SUCLG2: variants seen among roughly 807,000 people sequenced by gnomAD.
SUCLG2 encodes the protein succinate--CoA ligase [GDP-forming] subunit beta, mitochondrial.
A neutral mutation model predicts 47.9 loss-of-function variants in SUCLG2; 42 were observed. The ratio of observed to expected loss-of-function variants is 0.88; its 90% CI spans 0.69 to 1.14. The LOEUF (loss-of-function observed/expected upper bound fraction) is 1.14, where lower values mean the gene tolerates loss of function less well. Among genes scored for constraint, SUCLG2 ranks in the 50% most tolerant of loss-of-function variants. The probability of loss-of-function intolerance (pLI) is 0.00; values close to 1 mark genes in which losing one functional copy is unlikely to be tolerated. For synonymous variants in SUCLG2, 195 were observed against 197.3 expected (o/e 0.99, Z 0.10); for missense variants, 571 against 525.9 (o/e 1.09, Z -0.84).
chr3:67,386,389 C>G (rs1702260518), intron 10 of SUCLG2, among the ~76,000 whole-genome samples: 1 of 152,040 alleles, frequency 6.6e-6, no homozygotes, highest in South Asian at 2.1e-4. Context: ...GTCTTGTACA[C>G]TTCATCAACA....
At chr3:67,387,342 G>A (rs991846120) in intron 10 of SUCLG2, among the ~76,000 whole-genome samples, 2 of 152,168 alleles carry the variant, frequency 1.3e-5, no homozygotes, top group African/African-American at 4.8e-5. Context: ...GGGTCAAAGT[G>A]ATCAGAGACC....
At chr3:67,580,555 C>T (rs1294239780) in intron 2 of SUCLG2, among the ~76,000 whole-genome samples, 1 of 152,148 alleles carries the variant, frequency 6.6e-6, no homozygotes, top group African/African-American at 2.4e-5. Flanking sequence ...CCTCGGGGCA[C>T]TGGGAGAGAT....
At chr3:67,497,192 G>T (rs1705369848) in intron 8 of SUCLG2, among the ~76,000 whole-genome samples, 1 of 152,146 alleles carries the variant, frequency 6.6e-6, no homozygotes, top group Non-Finnish European at 1.5e-5. Flanking sequence ...CTTGTAATTG[G>T]ATGTCATTTT....
intron 2 of SUCLG2, among the ~76,000 whole-genome samples, chr3:67,565,241 C>A (rs1707420975): frequency 6.6e-6 from 1 of 152,132 alleles, no homozygotes; most frequent in Non-Finnish European, 1.5e-5. Flanking sequence ...CAAATAATTT[C>A]ATAAACTATT....
intron 2 of SUCLG2, among the ~76,000 whole-genome samples, chr3:67,586,090 T>C (rs1289546568): frequency 6.7e-6 from 1 of 150,176 alleles, no homozygotes; most frequent in African/African-American, 2.5e-5. Flanking sequence ...GCCAAAAAAA[T>C]CACACCCACT....
intron 2 of SUCLG2, among the ~76,000 whole-genome samples, chr3:67,539,131 T>C (rs1322731469): frequency 2.6e-5 from 4 of 152,216 alleles, no homozygotes; most frequent in Non-Finnish European, 5.9e-5. Flanking sequence ...ATCCTTGTCT[T>C]GTGCCAATTT....
intron 9 of SUCLG2, among the ~76,000 whole-genome samples, chr3:67,487,501 C>T (rs1305717500): frequency 2.0e-5 from 3 of 150,326 alleles, no homozygotes; most frequent in Non-Finnish European, 4.4e-5. Flanking sequence ...CACACATATA[C>T]ACACACACAC....
intron 9 of SUCLG2, among the ~76,000 whole-genome samples, chr3:67,405,118 A>C (rs1026886073): frequency 6.6e-6 from 1 of 152,154 alleles, no homozygotes; most frequent in African/African-American, 2.4e-5. Flanking sequence ...CTGTTTTACA[A>C]AAGTAAAGAT....
At chr3:67,511,183 C>T (rs1440932800) in intron 6 of SUCLG2, among the ~76,000 whole-genome samples, 1 of 152,094 alleles carries the variant, frequency 6.6e-6, no homozygotes, top group South Asian at 2.1e-4. Context: ...CCACTGCGCC[C>T]GGCCTAAATT....
intron 9 of SUCLG2, among the ~76,000 whole-genome samples, chr3:67,405,160 A>T (rs1275839546): frequency 6.6e-6 from 1 of 152,156 alleles, no homozygotes; most frequent in Non-Finnish European, 1.5e-5. Flanking sequence ...TGCCAGATAC[A>T]GGGCCCGGGT....
At chr3:67,407,741 A>C (rs1396784310) in intron 9 of SUCLG2, among the ~76,000 whole-genome samples, 8 of 152,194 alleles carry the variant, frequency 5.3e-5, no homozygotes. Context: ...TCAAGCAAGC[A>C]TGTTTATATT....
At chr3:67,511,079 G>A (rs1025696577) in intron 6 of SUCLG2, among the ~76,000 whole-genome samples, 1 of 151,798 alleles carries the variant, frequency 6.6e-6, no homozygotes, top group Admixed American at 6.6e-5. Context: ...AGTAGAGACG[G>A]GTTTTCACCA....
chr3:67,496,010 C>A, intron 8 of SUCLG2, 70 bp from the exon 9 acceptor site: 1 of 1,587,076 alleles, frequency 6.3e-7, no homozygotes, highest in Non-Finnish European at 8.6e-7. Context: ...AACATTTTCC[C>A]TCCCCCATAT....
chr3:67,654,502 C>A lies in SUCLG2; in HGVS notation c.84+1G>T. The A allele has an allele frequency of 8.1e-6, 10 of 1,238,758 alleles. No individual in the cohort carries two copies. Among genetic ancestry groups the A allele is most frequent in the Non-Finnish European group, 1.0e-5 (10 of 990,146 alleles). The allele number at this position is 1,238,758 out of a possible 1,614,324, so 76.7% of individuals were successfully genotyped here. On this transcript the variant is annotated splice_donor_variant, in intron 1 of 10. Coordinates refer to ENST00000307227, the MANE Select transcript of SUCLG2 (RefSeq NM_003848.4). LOFTEE classifies it high-confidence loss of function. ...CCCGCAGCTCCTGCCCCCACGCTCA[C>A]CTGGGACCCGGCCGCCAGGAAGCGG...
intron 10 of SUCLG2, among the ~76,000 whole-genome samples, chr3:67,362,728 CTGA>C (rs1248274740): frequency 6.6e-6 from 1 of 152,166 alleles, no homozygotes; most frequent in African/African-American, 2.4e-5. Flanking sequence ...TGTGTGATGA[CTGA>C]TGAGTTACAT....
intron 1 of SUCLG2, among the ~76,000 whole-genome samples, chr3:67,627,172 T>C (rs913484686): frequency 1.3e-4 from 20 of 151,828 alleles, no homozygotes; most frequent in Admixed American, 1.3e-3. Flanking sequence ...TATGCTTTAT[T>C]TGAGGTTCTG....
intron 2 of SUCLG2, among the ~76,000 whole-genome samples, chr3:67,601,165 A>T (rs922899177): frequency 6.6e-6 from 1 of 152,214 alleles, no homozygotes; most frequent in African/African-American, 2.4e-5. Flanking sequence ...GTACCTCACC[A>T]AATTTATAAA....
intron 9 of SUCLG2, among the ~76,000 whole-genome samples, chr3:67,479,908 CTAT>C (rs1704866867): frequency 6.6e-6 from 1 of 152,174 alleles, no homozygotes; most frequent in African/African-American, 2.4e-5. Flanking sequence ...TGAACTCTAC[CTAT>C]TATCTGGAAG....
At chr3:67,555,247 A>G (rs115776604) in intron 2 of SUCLG2, among the ~76,000 whole-genome samples, 4,624 of 152,244 alleles carry the variant, frequency 0.03, 227 homozygotes, top group African/African-American at 0.1. Flanking sequence ...TATAAACCCA[A>G]TATTTTTGGT....
Sources: allele counts gnomAD v4.1 joint callset (sites outside exome capture counted in the v4.1 genomes callset), GRCh38; gene constraint gnomAD v4.1.1; transcripts MANE v1.5; gene names NCBI Gene and HGNC (gene_info 2026-07-23, HGNC 2026-07-21).